Variants in DOCK11 observed in about 807,000 individuals in gnomAD.
DOCK11 encodes dedicator of cytokinesis protein 11.
Under a neutral mutation model 169.1 loss-of-function variants are expected in DOCK11, and 70 were observed. The ratio of observed to expected loss-of-function variants is 0.41; its 90% confidence interval spans 0.34 to 0.51. DOCK11 has a LOEUF of 0.51. Among genes scored for constraint, DOCK11 ranks in the 20% least tolerant of loss-of-function variants. The probability of loss-of-function intolerance (pLI) is 0.10; values close to 1 mark genes in which losing one functional copy is unlikely to be tolerated. For missense variants in DOCK11, 1,166 were observed against 1,538.8 expected (o/e 0.76, Z 4.05); for synonymous variants, 529 against 541.3 (o/e 0.98, Z 0.32).
intron 48 of DOCK11, among the ~76,000 whole-genome samples, chrX:118,678,482 AT>A (rs886953043): frequency 1.0e-4 from 11 of 109,086 alleles, no homozygotes; most frequent in Non-Finnish European, 1.9e-4. Context: ...ATTTTATTTT[AT>A]TTTTTTTTAG....
intron 32 of DOCK11, 100 bp from the exon 33 acceptor site, chrX:118,627,404 C>A: frequency 1.6e-6 from 1 of 619,290 alleles, no homozygotes; most frequent in Non-Finnish European, 2.6e-6. Context: ...TCACAGTGAG[C>A]TTTGTTTAAA....
rs1301614672 is a variant in DOCK11, at chrX:118,538,689, ATG to A, written c.103-4034_103-4033del. 1.1e-3 allele frequency: 797 copies of A among 750,291 alleles called. 4 individuals are homozygous for A. In the African/African-American group the frequency reaches 0.017, roughly 16 times the overall value. 61.8% of individuals were successfully genotyped at this position (750,291 alleles called of 1,213,427 possible). On this transcript the variant is annotated intron_variant, in intron 1 of 52. Transcript: ENST00000276202. ...CTGTATGGAAGTTGCTATTATTTGA[ATG>A]TTTAAGGTACCATTTATTGTAACGG...
intron 1 of DOCK11, among the ~76,000 whole-genome samples, chrX:118,500,954 T>C (rs762044002): frequency 9.0e-5 from 10 of 111,344 alleles, no homozygotes; most frequent in Non-Finnish European, 1.5e-4. Flanking sequence ...CACAAACTTT[T>C]AAATAATTTT....
At chrX:118,663,707 G>A (rs965405950) in intron 45 of DOCK11, among the ~76,000 whole-genome samples, 6 of 82,780 alleles carry the variant, frequency 7.2e-5, no homozygotes, top group Admixed American at 3.4e-4. Context: ...ATGGAGTCTC[G>A]CTATGTCGCC....
intron 52 of DOCK11, 84 bp downstream of exon 52, chrX:118,683,301 C>A: frequency 9.8e-7 from 1 of 1,018,458 alleles, no homozygotes; most frequent in Non-Finnish European, 1.3e-6. Flanking sequence ...GTTCAAAATG[C>A]ACAACCTTAA....
At chrX:118,578,759 T>A in intron 13 of DOCK11, 112 bp downstream of exon 13, 1 of 742,148 alleles carries the variant, frequency 1.3e-6, no homozygotes. Context: ...AAACATTGTA[T>A]ACTGTGTATG....
At position 118,657,411 on chromosome X, in the gene DOCK11, AATTTT is replaced by A. The variant is rs757248811; in HGVS notation, c.4969+2462_4969+2466del. Among the ~76,000 whole-genome samples the A allele has an allele frequency of 4.1e-4, 46 of 111,635 alleles. No homozygotes were observed. The East Asian group carries it at 0.013, about 30-fold the overall frequency. On this transcript the variant is annotated intron_variant, in intron 44 of 52. Transcript: ENST00000276202. Reference sequence around the variant, plus strand: ...TCTATTTTTAAATTTCTTTTAATTAAATTTTATTTTATTTTAAGTTCTGGGATACA... The same window carrying A: ...TCTATTTTTAAATTTCTTTTAATTAAATTTTATTTTAAGTTCTGGGATACA...
chrX:118,587,975 G>A (rs1411520799), intron 16 of DOCK11, among the ~76,000 whole-genome samples, 162 bp from the exon 17 acceptor site: 1 of 111,899 alleles, frequency 8.9e-6, no homozygotes, highest in East Asian at 2.8e-4. Context: ...TGTCTTTTTG[G>A]GTTCTTAAAG....
chrX:118,596,836 T>A (rs2014182340), intron 20 of DOCK11, among the ~76,000 whole-genome samples: 1 of 112,229 alleles, frequency 8.9e-6, no homozygotes, highest in African/African-American at 3.2e-5. Context: ...CACCTCTTCC[T>A]TCTGTAATCA....
At chrX:118,525,288 G>A (rs1181423901) in intron 1 of DOCK11, among the ~76,000 whole-genome samples, 1 of 111,807 alleles carries the variant, frequency 8.9e-6, no homozygotes, top group Non-Finnish European at 1.9e-5. Flanking sequence ...ATTGTCAAAA[G>A]GTGGAAACAG....
At chrX:118,663,624 C>T (rs1216688303) in intron 45 of DOCK11, among the ~76,000 whole-genome samples, 1 of 104,945 alleles carries the variant, frequency 9.5e-6, no homozygotes, top group Non-Finnish European at 1.9e-5. Context: ...TTTTGAGAAA[C>T]TTTCAATGTT....
At chrX:118,532,025 G>T (rs1008429419) in intron 1 of DOCK11, among the ~76,000 whole-genome samples, 9 of 110,431 alleles carry the variant, frequency 8.1e-5, no homozygotes, top group African/African-American at 3.0e-4. Flanking sequence ...GTGATAGGGG[G>T]TTTGTCATAG....
rs746053640 is a variant in DOCK11 at position 118,652,038 on chromosome X, C to T, written c.4656C>T (p.Phe1552=). ...SGGSRFQESL[F]IINNFANSDR... is the part of the protein sequence containing the mutation. ...GATCAAGATTTCAGGAGTCTTTATT[C>T]ATTATCAATAATTTTGCAAATAGTG... Residue 1552 remains phenylalanine, a synonymous_variant, in exon 42 of 53, where the codon TTC becomes TTT. Coordinates refer to ENST00000276202, the MANE Select transcript of DOCK11 (RefSeq NM_144658.4). 8.3e-7 allele frequency: 1 copy of T among 1,204,222 alleles called. No homozygotes were observed. Among genetic ancestry groups the T allele is most frequent in the Non-Finnish European group, 1.1e-6 (1 of 890,714 alleles).
chrX:118,676,865 G>T, intron 48 of DOCK11, 128 bp downstream of exon 48: 2 of 622,736 alleles, frequency 3.2e-6, no homozygotes, highest in Non-Finnish European at 4.6e-6. Context: ...ATAAAAGAAA[G>T]AACAGGGGCT....
At chrX:118,572,960 A>G (rs1171360457) in intron 11 of DOCK11, among the ~76,000 whole-genome samples, 2 of 112,109 alleles carry the variant, frequency 1.8e-5, no homozygotes, top group Non-Finnish European at 3.8e-5. Context: ...GGATCACCAT[A>G]GCCATGCTGG....
intron 27 of DOCK11, 78 bp downstream of exon 27, chrX:118,609,427 CA>C (rs1287279142): frequency 1.2e-5 from 9 of 755,833 alleles, no homozygotes; most frequent in Non-Finnish European, 1.3e-5. Flanking sequence ...TTGATGGAGA[CA>C]AAAAAAGCTA....
In DOCK11 at chrX:118,649,001, G is replaced by A; in HGVS notation, c.4455G>A (p.Glu1485=). Residue 1485 remains glutamate (E), a synonymous_variant, in exon 41 of 53, where the codon GAG becomes GAA. Coordinates refer to ENST00000276202, the MANE Select transcript of DOCK11 (RefSeq NM_144658.4). ...RVNMCAAFCY[E]VLKCCTSKIS... Reference sequence around the variant, plus strand: ...ACATGTGTGCTGCATTTTGCTATGAGGTTTTAAAGTGCTGCACATCGAAGA... The same window carrying A: ...ACATGTGTGCTGCATTTTGCTATGAAGTTTTAAAGTGCTGCACATCGAAGA... 3 of 1,207,656 alleles carry A rather than the reference G, an allele frequency of 2.5e-6. No individual in the cohort carries two copies. Among genetic ancestry groups the A allele is most frequent in the African/African-American group, 3.5e-5 (2 of 57,640 alleles).
intron 6 of DOCK11, among the ~76,000 whole-genome samples, chrX:118,550,956 T>C (rs1426426551): frequency 9.0e-6 from 1 of 111,543 alleles, no homozygotes; most frequent in Non-Finnish European, 1.9e-5. Context: ...TCAGGTGTGC[T>C]ATTATCTGAG....
At chrX:118,671,260 G>A (rs1413967769) in intron 46 of DOCK11, 115 bp downstream of exon 46, 2 of 641,505 alleles carry the variant, frequency 3.1e-6, no homozygotes, top group East Asian at 3.6e-5. Context: ...AGAATATAAG[G>A]TTCATTACAT....
Sources: gnomAD v4.1 joint callset for allele counts (sites outside exome capture counted in the v4.1 genomes callset) on GRCh38, gnomAD v4.1.1 for gene constraint, MANE v1.5 for transcripts, NCBI Gene and HGNC (gene_info 2026-07-23, HGNC 2026-07-21) for gene names.